Variants in NTRK3 observed in about 807,000 individuals in gnomAD.
NTRK3 encodes the protein NT-3 growth factor receptor.
Under a neutral mutation model 91.7 loss-of-function variants are expected in NTRK3, and 24 were observed. That is an observed-to-expected ratio of 0.26 (90% CI 0.19 to 0.37). The LOEUF is 0.37. NTRK3 is among the 10% of genes least tolerant of loss of function. NTRK3 has a pLI of 1.00. For missense variants in NTRK3, 880 were observed against 1,068.9 expected (o/e 0.82, Z 2.46); for synonymous variants, 483 against 404.0 (o/e 1.20, Z -2.34).
At chr15:87,918,289 A>T (rs1404595036) in intron 17 of NTRK3, among the ~76,000 whole-genome samples, 1 of 152,184 alleles carries the variant, frequency 6.6e-6, no homozygotes, top group Non-Finnish European at 1.5e-5. Flanking sequence ...ACCTCAACAG[A>T]TGACAAATCC....
At chr15:87,984,073 A>G (rs1197483530) in intron 14 of NTRK3, among the ~76,000 whole-genome samples, 1 of 152,196 alleles carries the variant, frequency 6.6e-6, no homozygotes, top group African/African-American at 2.4e-5. Context: ...AGTTCAGCCT[A>G]GAGAGGATGA....
intron 14 of NTRK3, among the ~76,000 whole-genome samples, chr15:88,021,635 G>C (rs2077601801): frequency 6.6e-6 from 1 of 151,908 alleles, no homozygotes; most frequent in Non-Finnish European, 1.5e-5. Context: ...AGAACAATTT[G>C]CAAAACAATG....
Position 88,206,183 on chromosome 15 carries a change from C to CA in NTRK3, c.249-21885dup, listed in dbSNP as rs568257684. ...TGAAACCCCGTCTCTACTAAAAATA[C>CA]AAAAAAAAAAAATTAGCCGGGCGAG... On this transcript the variant is annotated intron_variant, in intron 3 of 18. Coordinates refer to ENST00000394480, the Ensembl canonical transcript of NTRK3. Among the ~76,000 whole-genome samples, 947 of 134,532 alleles carry CA rather than the reference C, an allele frequency of 7.0e-3. 10 individuals are homozygous for CA. Among genetic ancestry groups the CA allele is most frequent in the East Asian group, 0.028 (130 of 4,664 alleles). The allele number at this position is 134,532 out of a possible 152,430, so 88.3% of individuals were successfully genotyped here.
At chr15:88,073,756 G>C (rs1597142544) in intron 13 of NTRK3, among the ~76,000 whole-genome samples, 1 of 152,110 alleles carries the variant, frequency 6.6e-6, no homozygotes, top group African/African-American at 2.4e-5. Context: ...AGCCCTGGGG[G>C]AGGGTCCAGA....
exon 19 of NTRK3, chr15:87,862,880 C>T (rs1273233241): frequency 4.3e-6 from 1 of 230,908 alleles, no homozygotes; most frequent in Non-Finnish European, 8.6e-6. Flanking sequence ...AGCAGCATCA[C>T]TGGGACCTTT....
intron 13 of NTRK3, among the ~76,000 whole-genome samples, chr15:88,053,547 T>C (rs1412825202): frequency 6.6e-6 from 1 of 152,146 alleles, no homozygotes; most frequent in Non-Finnish European, 1.5e-5. Flanking sequence ...AGGCCATAGG[T>C]ACGTTGGTCA....
chr15:87,911,289 C>T (rs191014792), intron 17 of NTRK3, among the ~76,000 whole-genome samples: 14 of 152,252 alleles, frequency 9.2e-5, no homozygotes, highest in African/African-American at 1.9e-4. Flanking sequence ...GTTCCTTGCA[C>T]GTACATAATT....
At chr15:88,112,881 C>T (rs536621871) in intron 13 of NTRK3, among the ~76,000 whole-genome samples, 8 of 152,314 alleles carry the variant, frequency 5.3e-5, no homozygotes, top group Admixed American at 3.9e-4. Flanking sequence ...CCCAATTATT[C>T]GAGGCATCCG....
At position 87,886,676 on chromosome 15, in the gene NTRK3, C is replaced by CTATATA. The variant is rs35011403; in HGVS notation, c.2134-6254_2134-6249dup. On this transcript the variant is annotated intron_variant, in intron 17 of 18. Transcript: ENST00000394480. ...CCAAAGAGAAAAATCCCACTTTTTG[C>CTATATA]TATATATATATATATATATATATAC... 8.9e-4 allele frequency among the ~76,000 whole-genome samples: 90 copies of CTATATA among 101,210 alleles called. 2 individuals are homozygous for CTATATA. The highest frequency in any genetic ancestry group is 1.5e-3 in the African/African-American group (36 of 24,552). 66.4% of individuals were successfully genotyped at this position (101,210 alleles called of 152,430 possible). A position where few individuals can be genotyped will look rare whatever the true frequency, so the allele number is the denominator to read the frequency against.
intron 13 of NTRK3, among the ~76,000 whole-genome samples, chr15:88,114,115 T>A (rs1177177056): frequency 6.6e-6 from 1 of 152,142 alleles, no homozygotes; most frequent in Non-Finnish European, 1.5e-5. Flanking sequence ...TCAGCAATCC[T>A]AAGTGACACC....
intron 14 of NTRK3, among the ~76,000 whole-genome samples, chr15:87,997,102 G>A (rs925158713): frequency 3.3e-5 from 5 of 152,188 alleles, no homozygotes; most frequent in Non-Finnish European, 7.3e-5. Context: ...TCTGCCATTA[G>A]GCAGATGTGG....
chr15:87,867,770 G>C (rs1324506867), exon 19 of NTRK3: 4 of 227,662 alleles, frequency 1.8e-5, no homozygotes, highest in African/African-American at 8.9e-5. Flanking sequence ...TCAATAACCT[G>C]CTTAAACTAC....
chr15:88,188,924 C>T (rs930128593), intron 3 of NTRK3, among the ~76,000 whole-genome samples: 10 of 152,196 alleles, frequency 6.6e-5, no homozygotes, highest in African/African-American at 2.4e-4. Context: ...ATGTGAAATG[C>T]TCCATTCAGA....
At chr15:88,002,739 T>C (rs976881927) in intron 14 of NTRK3, among the ~76,000 whole-genome samples, 1 of 149,812 alleles carries the variant, frequency 6.7e-6, no homozygotes, top group Non-Finnish European at 1.5e-5. Context: ...ACAAGATTCT[T>C]ATGAATCAAA....
At chr15:88,108,006 C>A (rs143612005) in intron 13 of NTRK3, among the ~76,000 whole-genome samples, 1 of 152,144 alleles carries the variant, frequency 6.6e-6, no homozygotes, top group Non-Finnish European at 1.5e-5. Context: ...GACCCAGAAC[C>A]AACAGTCAGG....
At chr15:88,120,505 AAGC>A (rs568962883) in intron 13 of NTRK3, among the ~76,000 whole-genome samples, 15 of 152,306 alleles carry the variant, frequency 9.8e-5, no homozygotes, top group African/African-American at 3.4e-4. Context: ...CCGGAAGCCC[AAGC>A]AGCAGTTCTT....
chr15:87,971,706 G>A (rs577870013), intron 14 of NTRK3, among the ~76,000 whole-genome samples: 1 of 152,274 alleles, frequency 6.6e-6, no homozygotes, highest in African/African-American at 2.4e-5. Context: ...CTCCCGACAC[G>A]CTCAAGAACC....
chr15:87,885,375 T>G (rs1304198917), intron 17 of NTRK3, among the ~76,000 whole-genome samples: 1 of 151,826 alleles, frequency 6.6e-6, no homozygotes, highest in Admixed American at 6.6e-5. Context: ...AAAACCCAAA[T>G]GAAATGGTGT....
At chr15:88,001,601 T>C (rs1012956452) in intron 14 of NTRK3, among the ~76,000 whole-genome samples, 1 of 152,218 alleles carries the variant, frequency 6.6e-6, no homozygotes, top group African/African-American at 2.4e-5. Flanking sequence ...GACTATTATA[T>C]CCTTTTTGAA....
Sources: allele counts gnomAD v4.1 joint callset (sites outside exome capture counted in the v4.1 genomes callset), GRCh38; gene constraint gnomAD v4.1.1; transcripts MANE v1.5; gene names NCBI Gene and HGNC (gene_info 2026-07-23, HGNC 2026-07-21).